Variants in GSE1 observed in about 807,000 individuals in gnomAD.
GSE1 encodes Gse1 coiled-coil protein, also known as genetic suppressor element 1.
Under a neutral mutation model 112.6 loss-of-function variants are expected in GSE1, and 32 were observed. That is an observed-to-expected ratio of 0.28 (90% CI 0.21 to 0.38). The LOEUF is 0.38. GSE1 is among the 10% of genes least tolerant of loss of function. The probability of loss-of-function intolerance (pLI) is 1.00; values close to 1 mark genes in which losing one functional copy is unlikely to be tolerated. For missense variants in GSE1, 2,348 were observed against 1,699.2 expected, an observed-to-expected ratio of 1.38 and a Z score of -6.71; for synonymous variants, 1,115 against 735.6, an observed-to-expected ratio of 1.52 and a Z score of -8.35.
rs938113426 is a variant in GSE1, at chr16:85,652,500, C to T, written c.427-1778C>T. Among the ~76,000 whole-genome samples, 4 of 152,328 alleles carry T rather than the reference C, an allele frequency of 2.6e-5. No homozygotes were observed. The East Asian group carries it at 7.7e-4, about 29-fold the overall frequency. ...CCTACAGAGAAGGGGGGCCGGGGCT[C>T]AGCCCGCGGGAAGGGAGCAGATGCT... is the stretch of plus-strand genomic sequence containing the variant. On this transcript the variant is annotated intron_variant, in intron 3 of 15. Transcript: ENST00000253458.
chr16:85,459,688 A>C (rs2049921910), intron 2 of GSE1, among the ~76,000 whole-genome samples: 1 of 152,180 alleles, frequency 6.6e-6, no homozygotes, highest in Admixed American at 6.5e-5. Flanking sequence ...GAGTCACTGA[A>C]CCCAGTCTGC....
At chr16:85,434,283 C>A (rs1317295842) in intron 2 of GSE1, among the ~76,000 whole-genome samples, 1 of 150,440 alleles carries the variant, frequency 6.6e-6, no homozygotes, top group African/African-American at 2.5e-5. Flanking sequence ...TAGGGCATGG[C>A]CTAGGAGTCA....
At chr16:85,403,496 A>G (rs1432694788) in intron 2 of GSE1, among the ~76,000 whole-genome samples, 1 of 152,062 alleles carries the variant, frequency 6.6e-6, no homozygotes, top group Non-Finnish European at 1.5e-5. Context: ...GAGGGATAAA[A>G]TTGACATTGT....
intron 5 of GSE1, 116 bp from the exon 6 acceptor site, chr16:85,655,610 T>C: frequency 1.5e-6 from 1 of 647,650 alleles, no homozygotes; most frequent in Non-Finnish European, 2.7e-6. Flanking sequence ...CCAGCCATTT[T>C]GTCACGTTCC....
intron 2 of GSE1, among the ~76,000 whole-genome samples, chr16:85,374,105 T>G (rs1297455239): frequency 6.6e-6 from 1 of 152,132 alleles, no homozygotes; most frequent in Non-Finnish European, 1.5e-5. Context: ...TGTGCACGCG[T>G]GGCCCTCAGT....
At chr16:85,319,509 C>G (rs769867383) in intron 1 of GSE1, among the ~76,000 whole-genome samples, 1 of 152,190 alleles carries the variant, frequency 6.6e-6, no homozygotes, top group African/African-American at 2.4e-5. Context: ...GGCTGATGAG[C>G]TCCCTGTGTG....
intron 3 of GSE1, among the ~76,000 whole-genome samples, chr16:85,651,357 A>G (rs1395198081): frequency 6.6e-6 from 1 of 151,834 alleles, no homozygotes. Context: ...CGGAAGCCAC[A>G]GACATGTGGG....
intron 1 of GSE1, among the ~76,000 whole-genome samples, chr16:85,330,139 C>G (rs1032167824): frequency 2.0e-5 from 3 of 152,210 alleles, no homozygotes; most frequent in African/African-American, 7.2e-5. Flanking sequence ...CTGGGCCGAG[C>G]AGGGACCCCA....
intron 2 of GSE1, among the ~76,000 whole-genome samples, chr16:85,482,086 G>A (rs1454256862): frequency 3.9e-5 from 6 of 152,226 alleles, no homozygotes; most frequent in Non-Finnish European, 7.3e-5. Flanking sequence ...TGTTGTGGAC[G>A]ACCCAACTTG....
upstream of GSE1, among the ~76,000 whole-genome samples, chr16:85,611,972 G>A (rs551769897): frequency 1.5e-3 from 230 of 152,202 alleles, no homozygotes; most frequent in Non-Finnish European, 2.5e-3. Context: ...GCACGAGGGG[G>A]CTGAAAGTCG....
At chr16:85,211,331 A>G (rs1011602511) in intron 1 of GSE1, among the ~76,000 whole-genome samples, 1 of 149,398 alleles carries the variant, frequency 6.7e-6, no homozygotes, top group African/African-American at 2.5e-5. Context: ...TTTTAAGGGA[A>G]TGTCTTTCTT....
At chr16:85,476,476 T>A (rs2050459257) in intron 2 of GSE1, among the ~76,000 whole-genome samples, 2 of 152,180 alleles carry the variant, frequency 1.3e-5, no homozygotes, top group Non-Finnish European at 2.9e-5. Flanking sequence ...ACTCCGTGTA[T>A]CATGGCTTCA....
chr16:85,658,012 C>G (rs1482711457), intron 8 of GSE1, among the ~76,000 whole-genome samples: 1 of 152,178 alleles, frequency 6.6e-6, no homozygotes, highest in Admixed American at 6.5e-5. Context: ...AAGGGGACAG[C>G]TTTTGATTTT....
intron 2 of GSE1, among the ~76,000 whole-genome samples, chr16:85,478,456 G>C (rs896082431): frequency 8.6e-5 from 13 of 151,492 alleles, no homozygotes; most frequent in Admixed American, 7.2e-4. Flanking sequence ...GAATGTGGGA[G>C]GCAGAGGTTG....
chr16:85,526,137 C>T (rs2052357253), intron 2 of GSE1, among the ~76,000 whole-genome samples: 7 of 152,196 alleles, frequency 4.6e-5, no homozygotes, highest in Admixed American at 4.6e-4. Flanking sequence ...ACTCGCAGCC[C>T]ACCAGCCGGA....
intron 13 of GSE1, 115 bp from the exon 14 acceptor site, chr16:85,668,025 C>A: frequency 2.6e-6 from 2 of 775,446 alleles, no homozygotes; most frequent in Non-Finnish European, 4.2e-6. Flanking sequence ...TCTTGGTCCC[C>A]GGAGCCCTGC....
intron 2 of GSE1, among the ~76,000 whole-genome samples, chr16:85,476,142 G>A (rs1383259594): frequency 6.6e-6 from 1 of 152,162 alleles, no homozygotes; most frequent in Non-Finnish European, 1.5e-5. Context: ...ATGTTGCCTA[G>A]GCTGGCCTCG....
chr16:85,451,982 T>G (rs1038424), intron 2 of GSE1, among the ~76,000 whole-genome samples: 63,210 of 151,808 alleles, frequency 0.42, 14,768 homozygotes, highest in Non-Finnish European at 0.52. Context: ...TCACCGAGTT[T>G]CTGGTTCCAG....
chr16:85,281,232 G>A (rs1597275992), intron 1 of GSE1, among the ~76,000 whole-genome samples: 1 of 152,136 alleles, frequency 6.6e-6, no homozygotes, highest in Admixed American at 6.5e-5. Context: ...CAGAAGCCCT[G>A]TGGCTTGTCC....
Sources: allele counts gnomAD v4.1 joint callset (sites outside exome capture counted in the v4.1 genomes callset), GRCh38; gene constraint gnomAD v4.1.1; transcripts MANE v1.5; gene names NCBI Gene and HGNC (gene_info 2026-07-23, HGNC 2026-07-21).